Variants in ABCA13 observed in about 807,000 individuals in gnomAD.
ABCA13 encodes the protein ATP binding cassette subfamily A member 13, also known as ATP-binding cassette sub-family A member 13.
A neutral mutation model predicts 478.7 loss-of-function variants in ABCA13; 476 were observed. That is an observed-to-expected ratio of 0.99 (90% confidence interval 0.92 to 1.07). The LOEUF is 1.07. Among genes scored for constraint, ABCA13 ranks in the 50% least tolerant of loss-of-function variants. The pLI is 0.00. For missense variants in ABCA13, 6,060 were observed against 5,910.6 expected, an observed-to-expected ratio of 1.03 and a Z score of -0.83; for synonymous variants, 2,252 against 2,158.9, an observed-to-expected ratio of 1.04 and a Z score of -1.20.
rs570323016 is a variant in ABCA13, at chr7:48,400,378, G to C, written c.11874-3305G>C. On this transcript the variant is annotated intron_variant, in intron 38 of 61. Transcript: ENST00000435803. ...GAGCAGCATCTGAAACACATTCTCT[G>C]GTGCATAATTGGGTCATAATAGGAG... is the stretch of plus-strand genomic sequence containing the variant. Among the ~76,000 whole-genome samples, 21 of 152,248 alleles carry C rather than the reference G, an allele frequency of 1.4e-4. No homozygotes were observed. The East Asian group carries it at 4.0e-3, about 29-fold the overall frequency.
intron 44 of ABCA13, among the ~76,000 whole-genome samples, chr7:48,470,769 C>T (rs1422175100): frequency 1.3e-5 from 2 of 152,202 alleles, no homozygotes; most frequent in African/African-American, 2.4e-5. Context: ...TCGACAGCTG[C>T]TTCACCTCTC....
rs1348189748 is a variant in ABCA13 at position 48,219,364 on chromosome 7, T to A, written c.298T>A (p.Phe100Ile). Residue 100 changes from phenylalanine to isoleucine, a missense_variant, in exon 4 of 62, where the codon TTC becomes ATC. By Grantham distance (21) the Phe-to-Ile change is conservative. Coordinates refer to ENST00000435803, the MANE Select transcript of ABCA13 (RefSeq NM_152701.5). Reference protein sequence around the residue: ...SMEHHFRLSRFQTAADPKKVN... With the variant: ...SMEHHFRLSRIQTAADPKKVN... ...TTATTCTGTTTAAAGTTTGTCTAGGTTCCAAACTGCAGCTGACCCCAAGAA... is the reference window on the plus strand; with the variant it reads ...TTATTCTGTTTAAAGTTTGTCTAGGATCCAAACTGCAGCTGACCCCAAGAA... 1 of 1,610,274 alleles carries A rather than the reference T, an allele frequency of 6.2e-7. No homozygotes were observed. The highest frequency in any genetic ancestry group is 8.5e-7 in the Non-Finnish European group (1 of 1,178,962).
chr7:48,431,844 G>T (rs894685606), intron 42 of ABCA13, among the ~76,000 whole-genome samples: 2 of 152,072 alleles, frequency 1.3e-5, no homozygotes, highest in Non-Finnish European at 2.9e-5. Flanking sequence ...AACCTTCTTA[G>T]GTTTCAATAA....
intron 3 of ABCA13, among the ~76,000 whole-genome samples, chr7:48,206,909 C>T (rs1007671707): frequency 6.6e-6 from 1 of 152,092 alleles, no homozygotes; most frequent in African/African-American, 2.4e-5. Flanking sequence ...ACATCCAACT[C>T]CTTCTATCTA....
chr7:48,463,168 T>A (rs994852781), intron 43 of ABCA13, among the ~76,000 whole-genome samples: 3 of 152,206 alleles, frequency 2.0e-5, no homozygotes, highest in African/African-American at 4.8e-5. Flanking sequence ...CTGCAGCACC[T>A]TTATTTTTCA....
At chr7:48,286,203 A>G (rs750983897) in intron 19 of ABCA13, among the ~76,000 whole-genome samples, 10 of 152,276 alleles carry the variant, frequency 6.6e-5, no homozygotes, top group Middle Eastern at 3.4e-3. Flanking sequence ...TCCACAGTTC[A>G]CATTGGGCTT....
chr7:48,473,899 G>A (rs995508569), intron 45 of ABCA13, among the ~76,000 whole-genome samples: 1 of 152,176 alleles, frequency 6.6e-6, no homozygotes, highest in Admixed American at 6.5e-5. Context: ...ATGTAAGCGG[G>A]AATAGTGACA....
rs775466005 is a variant in ABCA13, at chr7:48,310,074, G to A, written c.9449G>A (p.Gly3150Glu). The change falls in exon 24 of 62, where the codon GGG (glycine) becomes GAG (glutamate). Residue 3150 changes from glycine (G) to glutamate (E), a missense_variant. This residue lies in a region of ABCA13 where 4,423 missense variants were observed against 4,309.1 expected (regional missense o/e 1.03). Transcript: ENST00000435803. ...IAAEELCSLP[G>E]SKVYSLIVLL... ...GCGGAGGAACTCTGTAGCCTGCCAG[G>A]GTCAAAAGTGTATTCTCTGATTGTG... 1.2e-6 allele frequency: 2 copies of A among 1,613,842 alleles called. No homozygotes were observed. The highest frequency in any genetic ancestry group is 1.7e-6 in the Non-Finnish European group (2 of 1,179,768).
chr7:48,529,082 G>T (rs148368479), intron 55 of ABCA13, among the ~76,000 whole-genome samples: 3 of 152,210 alleles, frequency 2.0e-5, no homozygotes, highest in African/African-American at 7.2e-5. Flanking sequence ...GTGCCTTCAC[G>T]CCCCTTTCTG....
At chr7:48,371,190 T>C (rs2129024448) in intron 32 of ABCA13, among the ~76,000 whole-genome samples, 1 of 152,324 alleles carries the variant, frequency 6.6e-6, no homozygotes, top group South Asian at 2.1e-4. Flanking sequence ...AGCTTTGTAG[T>C]ATAGTTTGAA....
chr7:48,494,688 A>G (rs1370208586), intron 48 of ABCA13, among the ~76,000 whole-genome samples: 1 of 152,172 alleles, frequency 6.6e-6, no homozygotes, highest in Non-Finnish European at 1.5e-5. Context: ...ATGTGTTTAT[A>G]TCTGCATAAA....
At chr7:48,203,769 C>T (rs867278140) in intron 3 of ABCA13, among the ~76,000 whole-genome samples, 4 of 152,360 alleles carry the variant, frequency 2.6e-5, no homozygotes, top group South Asian at 4.1e-4. Flanking sequence ...CTTTCACTGT[C>T]TGACAACCTT....
intron 45 of ABCA13, among the ~76,000 whole-genome samples, chr7:48,480,499 T>C (rs1285671849): frequency 6.6e-6 from 1 of 151,622 alleles, no homozygotes; most frequent in Non-Finnish European, 1.5e-5. Context: ...GAGCACATCA[T>C]TGCGCAGCCT....
intron 56 of ABCA13, among the ~76,000 whole-genome samples, chr7:48,583,706 G>A (rs931787135): frequency 2.0e-5 from 3 of 152,238 alleles, no homozygotes; most frequent in African/African-American, 7.2e-5. Context: ...ACCTCAGAGA[G>A]AGATTCTGTG....
chr7:48,218,246 A>T (rs1259338901), intron 3 of ABCA13, among the ~76,000 whole-genome samples: 1 of 152,234 alleles, frequency 6.6e-6, no homozygotes, highest in African/African-American at 2.4e-5. Flanking sequence ...AATCTCATGT[A>T]TGGGTGAGGC....
At chr7:48,548,866 C>T (rs749436398) in intron 55 of ABCA13, among the ~76,000 whole-genome samples, 2 of 151,560 alleles carry the variant, frequency 1.3e-5, no homozygotes, top group Non-Finnish European at 3.0e-5. Context: ...AGCTCTAATC[C>T]TGTCAGTGCC....
At position 48,372,325 on chromosome 7, in the gene ABCA13, T is replaced by C; in HGVS notation, c.10961T>C (p.Leu3654Pro). 1 of 1,613,922 alleles carries C rather than the reference T, an allele frequency of 6.2e-7. No individual in the cohort carries two copies. Among genetic ancestry groups the C allele is most frequent in the Non-Finnish European group, 8.5e-7 (1 of 1,179,850 alleles). The change falls in exon 33 of 62, where the codon CTC becomes CCC. Residue 3654 changes from leucine (L) to proline (P), a missense_variant. Transcript: ENST00000435803. ...HSNTFIVFLF[L>P]LDFGMSVVML... is the part of the protein sequence containing the mutation. ...AATACCTTTATTGTTTTCCTCTTTC[T>C]CTTGGATTTTGGGATGTCAGTCGTC...
chr7:48,370,755 C>T (rs141197629), intron 32 of ABCA13, among the ~76,000 whole-genome samples: 26 of 152,176 alleles, frequency 1.7e-4, no homozygotes, highest in African/African-American at 4.8e-4. Context: ...AAGTTCACAA[C>T]GTTAAATATC....
intron 55 of ABCA13, among the ~76,000 whole-genome samples, chr7:48,578,930 C>T (rs950831407): frequency 6.6e-6 from 1 of 152,198 alleles, no homozygotes; most frequent in African/African-American, 2.4e-5. Context: ...AAATGGACAT[C>T]CACATGCCAG....
Sources: gnomAD v4.1 joint callset for allele counts (sites outside exome capture counted in the v4.1 genomes callset) on GRCh38, gnomAD v4.1.1 for gene constraint, gnomAD v4.1.1 regional missense constraint, MANE v1.5 for transcripts, NCBI Gene and HGNC (gene_info 2026-07-23, HGNC 2026-07-21) for gene names.